The following CCDC195 variants were observed in gnomAD, a reference collection of about 807,000 sequenced individuals.
CCDC195 encodes the protein coiled-coil domain containing 195.
At position 224,705,857 on chromosome 2, in the gene CCDC195, T is replaced by TCTAAATAGTTCATTAGTTGGCAG. The variant is rs533834565; in HGVS notation, c.483-1993_483-1971dup. The stretch of plus-strand genomic sequence containing the variant: ...CTTTTACATTAGAAATGGGTTGTAT[T>TCTAAATAGTTCATTAGTTGGCAG]CTAAATAGTTCATTAGTTGGCAGCT... On this transcript the variant is annotated intron_variant, in intron 2 of 2. Coordinates refer to ENST00000638102, the Ensembl canonical transcript of CCDC195. 2.1e-3 allele frequency among the ~76,000 whole-genome samples: 325 copies of TCTAAATAGTTCATTAGTTGGCAG among 152,330 alleles called. 2 individuals are homozygous for TCTAAATAGTTCATTAGTTGGCAG. The highest frequency in any genetic ancestry group is 7.3e-3 in the Admixed American group (112 of 15,302).
At chr2:224,714,908 A>G (rs1689362360) in intron 1 of CCDC195, among the ~76,000 whole-genome samples, 1 of 152,036 alleles carries the variant, frequency 6.6e-6, no homozygotes, top group Admixed American at 6.6e-5. Flanking sequence ...TCCATTGTCA[A>G]CCTGTTCAGA....
chr2:224,704,589 CTTTTTTTTTTCTTTTCTTTTCTT>C (rs1697215211), intron 2 of CCDC195, among the ~76,000 whole-genome samples: 1 of 126,736 alleles, frequency 7.9e-6, no homozygotes, highest in Non-Finnish European at 1.6e-5. Context: ...ACAGCTGCAC[CTTTTTTTTTTCTTTTCTTTTCTT>C]TTTTTTTTTT....
intron 2 of CCDC195, among the ~76,000 whole-genome samples, chr2:224,709,119 C>T (rs545879370): frequency 8.4e-6 from 1 of 118,926 alleles, no homozygotes; most frequent in African/African-American, 3.2e-5. Context: ...GATGGAGTCT[C>T]ACTCTGTCCC....
chr2:224,713,549 C>T (rs1028265607), intron 1 of CCDC195, among the ~76,000 whole-genome samples: 4 of 152,130 alleles, frequency 2.6e-5, no homozygotes, highest in African/African-American at 9.7e-5. Flanking sequence ...ATGCTAAGAT[C>T]AGAAAGTTTA....
intron 2 of CCDC195, among the ~76,000 whole-genome samples, chr2:224,707,997 T>TCCCTCCCTCCCTCCCC: frequency 4.0e-5 from 1 of 24,810 alleles, no homozygotes; most frequent in East Asian, 1.8e-3. Context: ...CCTCCCTCCC[T>TCCCTCCCTCCCTCCCC]CCCTTCCTTC....
chr2:224,704,646 A>T (rs1345758217), intron 2 of CCDC195, among the ~76,000 whole-genome samples: 6 of 120,470 alleles, frequency 5.0e-5, no homozygotes, highest in Non-Finnish European at 8.1e-5. Context: ...TTTTTGAGAC[A>T]GAGTCTCATT....
chr2:224,715,438 G>C (rs1403308742), intron 1 of CCDC195, among the ~76,000 whole-genome samples: 2 of 152,174 alleles, frequency 1.3e-5, no homozygotes, highest in African/African-American at 4.8e-5. Context: ...TCTGTATCTT[G>C]AAGTCTTCAA....
At chr2:224,709,341 C>T (rs751451076) in intron 2 of CCDC195, among the ~76,000 whole-genome samples, 4 of 152,134 alleles carry the variant, frequency 2.6e-5, no homozygotes, top group Admixed American at 6.5e-5. Flanking sequence ...CAGCCCGCCT[C>T]GGCATCCCAA....
At chr2:224,705,510 ATTGGT>A (rs1262980934) in intron 2 of CCDC195, among the ~76,000 whole-genome samples, 3 of 152,204 alleles carry the variant, frequency 2.0e-5, no homozygotes, top group Non-Finnish European at 4.4e-5. Context: ...TCACAAGCAA[ATTGGT>A]TATGATGTCT....
intron 2 of CCDC195, among the ~76,000 whole-genome samples, chr2:224,707,608 A>G (rs139831899): frequency 6.5e-4 from 99 of 152,346 alleles, no homozygotes; most frequent in African/African-American, 2.2e-3. Flanking sequence ...CTAACATAAT[A>G]TACACTTCAT....
At chr2:224,707,474 ACTCT>A (rs1283086731) in intron 2 of CCDC195, among the ~76,000 whole-genome samples, 2 of 150,692 alleles carry the variant, frequency 1.3e-5, no homozygotes, top group East Asian at 2.0e-4. Context: ...ATCAGGACTC[ACTCT>A]CTCTCTCCCT....
At chr2:224,711,897 A>T (rs1225212833) in intron 1 of CCDC195, among the ~76,000 whole-genome samples, 1 of 152,210 alleles carries the variant, frequency 6.6e-6, no homozygotes, top group Non-Finnish European at 1.5e-5. Flanking sequence ...TTATTCATAA[A>T]TTATCTTTAA....
chr2:224,706,060 T>A (rs1697236595), intron 2 of CCDC195, among the ~76,000 whole-genome samples: 1 of 152,078 alleles, frequency 6.6e-6, no homozygotes, highest in African/African-American at 2.4e-5. Context: ...TTATGATATA[T>A]ACACTGTATA....
At chr2:224,704,497 T>C (rs1282723692) in intron 2 of CCDC195, among the ~76,000 whole-genome samples, 4 of 152,164 alleles carry the variant, frequency 2.6e-5, no homozygotes, top group African/African-American at 9.7e-5. Context: ...TCTTCATTTT[T>C]GTTCTCTTTT....
intron 2 of CCDC195, among the ~76,000 whole-genome samples, chr2:224,706,604 A>G (rs1047607804): frequency 2.1e-5 from 3 of 145,340 alleles, no homozygotes; most frequent in Non-Finnish European, 4.5e-5. Flanking sequence ...TGTGCCTCCC[A>G]GGTTCAAGCG....
intron 1 of CCDC195, among the ~76,000 whole-genome samples, chr2:224,711,967 A>T (rs936076831): frequency 1.3e-5 from 2 of 152,242 alleles, no homozygotes; most frequent in East Asian, 3.8e-4. Context: ...ATCTGTGACT[A>T]CTTACAAACA....
intron 2 of CCDC195, among the ~76,000 whole-genome samples, chr2:224,706,189 C>T (rs1451243144): frequency 5.7e-4 from 19 of 33,354 alleles, no homozygotes; most frequent in South Asian, 4.0e-3. Flanking sequence ...TATTTTGTAA[C>T]TTTTTTTTTT....
At chr2:224,714,759 G>A (rs912381891) in intron 1 of CCDC195, among the ~76,000 whole-genome samples, 8 of 151,720 alleles carry the variant, frequency 5.3e-5, no homozygotes, top group Non-Finnish European at 1.2e-4. Context: ...ATAACCAGTA[G>A]ACAGTTACTC....
At chr2:224,712,341 T>A (rs1160412664) in intron 1 of CCDC195, among the ~76,000 whole-genome samples, 2 of 152,216 alleles carry the variant, frequency 1.3e-5, no homozygotes, top group African/African-American at 4.8e-5. Context: ...GCAAATTGCT[T>A]CAAGGTTCCA....
Sources: gnomAD v4.1 joint callset for allele counts (sites outside exome capture counted in the v4.1 genomes callset) on GRCh38, gnomAD v4.1.1 for gene constraint, MANE v1.5 for transcripts, NCBI Gene and HGNC (gene_info 2026-07-23, HGNC 2026-07-21) for gene names.